Variants in ANTXRL observed in about 807,000 individuals in gnomAD.
ANTXRL encodes the protein ANTXR like, also known as anthrax toxin receptor-like.
In ANTXRL, 63 loss-of-function variants were observed where a neutral mutation model predicts 75.4. The ratio of observed to expected loss-of-function variants is 0.84; its 90% CI spans 0.68 to 1.03. The LOEUF is 1.03. ANTXRL is among the 50% of genes least tolerant of loss of function. The pLI, the probability that ANTXRL is intolerant of heterozygous loss-of-function variation, is 0.00. For synonymous variants in ANTXRL, 335 were observed against 291.3 expected, an observed-to-expected ratio of 1.15 and a Z score of -1.53; for missense variants, 797 against 789.4, an observed-to-expected ratio of 1.01 and a Z score of -0.12.
chr10:46,312,012 A>C (rs1426700240), intron 15 of ANTXRL, among the ~76,000 whole-genome samples: 1 of 146,288 alleles, frequency 6.8e-6, no homozygotes, highest in Non-Finnish European at 1.5e-5. Context: ...CCCTGGCTTT[A>C]GACCACTTGC....
chr10:46,322,687 G>A (rs4925995), intron 16 of ANTXRL, among the ~76,000 whole-genome samples: 24,923 of 151,802 alleles, frequency 0.16, 1,759 homozygotes, highest in Middle Eastern at 0.2. Flanking sequence ...ACTCAGGAAG[G>A]GCCAGGCAGC....
intron 3 of ANTXRL, among the ~76,000 whole-genome samples, chr10:46,294,753 G>A (rs1349606992): frequency 6.6e-6 from 1 of 152,162 alleles, no homozygotes; most frequent in Non-Finnish European, 1.5e-5. Flanking sequence ...GGGGAGCGGG[G>A]TTTGGGCATG....
At chr10:46,292,387 G>T (rs72790440) in intron 2 of ANTXRL, among the ~76,000 whole-genome samples, 1 of 151,972 alleles carries the variant, frequency 6.6e-6, no homozygotes, top group Non-Finnish European at 1.5e-5. Context: ...GACATCACAC[G>T]CTGGGAAGGG....
intron 16 of ANTXRL, among the ~76,000 whole-genome samples, chr10:46,314,775 C>T (rs1370547678): frequency 6.6e-6 from 1 of 152,138 alleles, no homozygotes; most frequent in East Asian, 1.9e-4. Flanking sequence ...CCCTGTTTTA[C>T]TAATGGCAAA....
rs1472603478 is a variant in ANTXRL, at chr10:46,308,368, G to A, written c.1045-745G>A. The A allele has an allele frequency of 1.0e-4, 43 of 415,484 alleles. No homozygotes were observed. In the Admixed American group the frequency reaches 1.1e-3, roughly 10 times the overall value. 25.7% of individuals were successfully genotyped at this position (415,484 alleles called of 1,614,324 possible). On this transcript the variant is annotated intron_variant, in intron 12 of 16. Transcript: ENST00000620264. ...CAGCCTCAGTGGTTCCTCTCCTTCA[G>A]CCAGCCGGGTTCCCAGCACAGGCCC...
intron 16 of ANTXRL, among the ~76,000 whole-genome samples, chr10:46,327,824 C>T (rs1328887869): frequency 2.0e-5 from 3 of 152,086 alleles, no homozygotes; most frequent in African/African-American, 7.2e-5. Context: ...TCCAGGCAGC[C>T]GGGAAGGGTG....
chr10:46,309,164 C>T lies in ANTXRL; in HGVS notation c.1096C>T (p.Leu366=), dbSNP rs545590641. The T allele has an allele frequency of 2.0e-6, 3 of 1,535,834 alleles. No homozygotes were observed. The Admixed American group carries it at 5.9e-5, about 30-fold the overall frequency. ...TGTGCCACTCCTGCTGCTTGTGCCA[C>T]TGCTGCTGTGTTGTGTCTGGCGGCT... ...YFVPLLLLVP[L]LLCCVWRLCR... Residue 366 remains leucine, a synonymous_variant, in exon 13 of 17, where the codon CTG becomes TTG. Transcript: ENST00000620264.
intron 16 of ANTXRL, 67 bp from the exon 17 acceptor site, chr10:46,329,532 A>G (rs1839386627): frequency 2.0e-6 from 3 of 1,497,150 alleles, no homozygotes; most frequent in African/African-American, 2.8e-5. Flanking sequence ...GAGCCAGGCA[A>G]CCGCAGCCTT....
Position 46,309,192 on chromosome 10 carries a change from G to T in ANTXRL, c.1124G>T (p.Cys375Phe). Residue 375 changes from cysteine to phenylalanine, a missense_variant, in exon 13 of 17, where the codon TGC (cysteine) becomes TTC (phenylalanine). Around this residue, in one of 3 missense-constraint regions of ANTXRL, gnomAD observed 479 missense variants for 422.0 expected, o/e 1.14. Coordinates refer to ENST00000620264, the MANE Select transcript of ANTXRL (RefSeq NM_001278688.3). ...CTGCTGTGTTGTGTCTGGCGGCTGT[G>T]CCGCAAGCAGGCAAGTGCTCCCTGC... Reference protein sequence around the residue: ...PLLLCCVWRLCRKQTVKEPPP... With the variant: ...PLLLCCVWRLFRKQTVKEPPP... The T allele has an allele frequency of 6.5e-7, 1 of 1,535,788 alleles. No homozygotes were observed. Among genetic ancestry groups the T allele is most frequent in the Non-Finnish European group, 8.7e-7 (1 of 1,146,718 alleles).
chr10:46,327,011 C>G (rs1316571136), intron 16 of ANTXRL, among the ~76,000 whole-genome samples: 1 of 152,062 alleles, frequency 6.6e-6, no homozygotes, highest in Non-Finnish European at 1.5e-5. Context: ...AGAGATTCAG[C>G]TCTAGTGCTC....
chr10:46,324,681 C>G (rs10906947), intron 16 of ANTXRL, among the ~76,000 whole-genome samples: 14,411 of 152,064 alleles, frequency 0.095, 2,225 homozygotes, highest in African/African-American at 0.33. Flanking sequence ...AATTATTTCT[C>G]TATCATTTGA....
In ANTXRL at chr10:46,307,443, T is replaced by G. The variant is rs1342188166; in HGVS notation, c.1007T>G (p.Phe336Cys). ...GTCAGCTTGAACAAAGGCAAAACATTCTTCAAGAGCAATGTCAGCATCACC... is the reference window on the plus strand; with the variant it reads ...GTCAGCTTGAACAAAGGCAAAACATGCTTCAAGAGCAATGTCAGCATCACC... ...IEVSLNKGKT[F>C]FKSNVSITST... Residue 336 changes from phenylalanine to cysteine, a missense_variant, in exon 12 of 17, where the codon TTC becomes TGC. Physicochemically the swap from Phe to Cys is radical, Grantham distance 205. Transcript: ENST00000620264. 1 of 1,536,092 alleles carries G rather than the reference T, an allele frequency of 6.5e-7. No individual in the cohort carries two copies. The highest frequency in any genetic ancestry group is 8.7e-7 in the Non-Finnish European group (1 of 1,146,790).
Position 46,294,193 on chromosome 10 carries a change from A to G in ANTXRL, c.392+293A>G, listed in dbSNP as rs1251607654. On this transcript the variant is annotated intron_variant, in intron 3 of 16. Transcript: ENST00000620264. Reference sequence around the variant, plus strand: ...CCTCCTTCCCTGAAAGGTGGCTGTGAGGATTCCCAGGGTGCAGGGGCTGGC... The same window carrying G: ...CCTCCTTCCCTGAAAGGTGGCTGTGGGGATTCCCAGGGTGCAGGGGCTGGC... The G allele has an allele frequency of 1.8e-5, 8 of 444,638 alleles. No homozygotes were observed. In the Admixed American group the frequency reaches 3.2e-4, roughly 18 times the overall value. 27.5% of individuals were successfully genotyped at this position (444,638 alleles called of 1,614,324 possible). A position where few individuals can be genotyped will look rare whatever the true frequency, so the allele number is the denominator to read the frequency against.
intron 1 of ANTXRL, among the ~76,000 whole-genome samples, chr10:46,288,651 T>C (rs1836858237): frequency 6.6e-6 from 1 of 152,100 alleles, no homozygotes; most frequent in Non-Finnish European, 1.5e-5. Flanking sequence ...GTGTCCCCCA[T>C]CTGTAAAAAG....
chr10:46,308,653 T>C, intron 12 of ANTXRL: 1 of 350,210 alleles, frequency 2.9e-6, no homozygotes, highest in East Asian at 7.9e-5. Context: ...GGGCGGCTCA[T>C]TCCCTTTGCA....
At chr10:46,294,371 C>A (rs1837240093) in intron 3 of ANTXRL, among the ~76,000 whole-genome samples, 1 of 152,064 alleles carries the variant, frequency 6.6e-6, no homozygotes, top group Non-Finnish European at 1.5e-5. Flanking sequence ...CAGGCCCAGA[C>A]TGGGGAGCCC....
intron 3 of ANTXRL, among the ~76,000 whole-genome samples, 180 bp from the exon 4 acceptor site, chr10:46,295,839 A>G (rs569831967): frequency 5.5e-4 from 83 of 152,246 alleles, no homozygotes; most frequent in Admixed American, 2.8e-3. Flanking sequence ...ATGAGCTCAG[A>G]AGGGCTTGAA....
At chr10:46,293,064 G>A (rs72790447) in intron 2 of ANTXRL, 25,030 of 152,178 alleles carry the variant, frequency 0.16, 1,768 homozygotes, top group Non-Finnish European at 0.19. Flanking sequence ...CCAGCTGGGA[G>A]GGCTGTATGT....
intron 9 of ANTXRL, among the ~76,000 whole-genome samples, 163 bp from the exon 10 acceptor site, chr10:46,302,559 A>C (rs1554960790): frequency 6.6e-6 from 1 of 152,076 alleles, no homozygotes. Context: ...CCAGATGAAG[A>C]TTTGACCTAG....
Sources: gnomAD v4.1 joint callset for allele counts (sites outside exome capture counted in the v4.1 genomes callset) on GRCh38, gnomAD v4.1.1 for gene constraint, gnomAD v4.1.1 regional missense constraint, MANE v1.5 for transcripts, NCBI Gene and HGNC (gene_info 2026-07-23, HGNC 2026-07-21) for gene names.